Variants in ALDH1A2 observed in about 807,000 individuals in gnomAD.
ALDH1A2 encodes the protein retinal dehydrogenase 2.
A neutral mutation model predicts 60.3 loss-of-function variants in ALDH1A2; 27 were observed. The ratio of observed to expected loss-of-function variants is 0.45; its 90% CI spans 0.33 to 0.62. The LOEUF (loss-of-function observed/expected upper bound fraction) is 0.62, where lower values mean the gene tolerates loss of function less well. Among genes scored for constraint, ALDH1A2 ranks in the 20% least tolerant of loss-of-function variants. The probability of loss-of-function intolerance (pLI) is 0.02; values close to 1 mark genes in which losing one functional copy is unlikely to be tolerated. For synonymous variants in ALDH1A2, 289 were observed against 232.4 expected, an observed-to-expected ratio of 1.24 and a Z score of -2.21; for missense variants, 581 against 643.8, an observed-to-expected ratio of 0.90 and a Z score of 1.06.
chr15:57,989,663 T>C (rs890926792), intron 7 of ALDH1A2, among the ~76,000 whole-genome samples: 1 of 151,582 alleles, frequency 6.6e-6, no homozygotes, highest in African/African-American at 2.4e-5. Flanking sequence ...CCTGTATATA[T>C]GGAAATGCAT....
chr15:58,053,700 AG>A (rs1595693436), intron 1 of ALDH1A2, among the ~76,000 whole-genome samples: 2 of 152,158 alleles, frequency 1.3e-5, no homozygotes, highest in East Asian at 3.9e-4. Flanking sequence ...TAATGATACC[AG>A]AATGTGGGCA....
At chr15:58,026,838 G>T (rs915371216) in intron 1 of ALDH1A2, among the ~76,000 whole-genome samples, 1 of 152,212 alleles carries the variant, frequency 6.6e-6, no homozygotes, top group Admixed American at 6.5e-5. Context: ...CATTGCTGAG[G>T]CTTGAGTAGC....
intron 4 of ALDH1A2, among the ~76,000 whole-genome samples, chr15:57,998,113 G>A (rs1156962718): frequency 1.3e-5 from 2 of 151,966 alleles, no homozygotes; most frequent in Non-Finnish European, 2.9e-5. Flanking sequence ...GCAAAAGATG[G>A]AAGCATTCCC....
chr15:57,958,929 G>A (rs1203089617), intron 12 of ALDH1A2, among the ~76,000 whole-genome samples: 1 of 152,066 alleles, frequency 6.6e-6, no homozygotes, highest in East Asian at 1.9e-4. Context: ...ATCACCATAG[G>A]GCCTGGAAGA....
intron 1 of ALDH1A2, among the ~76,000 whole-genome samples, chr15:58,022,897 C>A (rs1018080357): frequency 1.3e-5 from 2 of 152,026 alleles, no homozygotes; most frequent in African/African-American, 4.8e-5. Context: ...ATAGGAAGAA[C>A]CAACTGTTAT....
intron 5 of ALDH1A2, 58 bp from the exon 6 acceptor site, chr15:57,993,131 T>G: frequency 6.3e-7 from 1 of 1,597,086 alleles, no homozygotes. Flanking sequence ...CTACTTTGTT[T>G]TCAAGCTGTG....
Position 57,961,167 on chromosome 15 carries a change from A to G in ALDH1A2, c.1379T>C (p.Val460Ala). ...FTNDINKALT[V>A]SSAMQAGTVW... ...AGTCCCAGCTTGCATTGCAGAAGAC[A>G]CTGTGAGGGCCTTGTTGATGTCATT... is the stretch of plus-strand genomic sequence containing the variant. Residue 460 changes from valine (V) to alanine (A), a missense_variant, in exon 11 of 13, where the codon GTG (valine) becomes GCG (alanine). This residue lies in a region of ALDH1A2 where 375 missense variants were observed against 469.7 expected (regional missense o/e 0.80). Coordinates refer to ENST00000249750, the MANE Select transcript of ALDH1A2 (RefSeq NM_003888.4). 6.2e-7 allele frequency: 1 copy of G among 1,614,146 alleles called. No homozygotes were observed. Among genetic ancestry groups the G allele is most frequent in the Non-Finnish European group, 8.5e-7 (1 of 1,180,010 alleles).
intron 1 of ALDH1A2, among the ~76,000 whole-genome samples, chr15:58,024,872 A>C (rs1277468809): frequency 6.6e-6 from 1 of 152,224 alleles, no homozygotes; most frequent in African/African-American, 2.4e-5. Flanking sequence ...ACTAGAAATC[A>C]ATGCCAAGAA....
chr15:57,995,410 C>T (rs1466772523), intron 4 of ALDH1A2, among the ~76,000 whole-genome samples: 1 of 151,842 alleles, frequency 6.6e-6, no homozygotes, highest in East Asian at 1.9e-4. Context: ...AAGAAGTCCT[C>T]AGGGTGGCAG....
At chr15:58,001,773 G>A (rs777956749) in intron 4 of ALDH1A2, among the ~76,000 whole-genome samples, 1 of 151,874 alleles carries the variant, frequency 6.6e-6, no homozygotes, top group Non-Finnish European at 1.5e-5. Context: ...CTCCATTGTA[G>A]GGTATGAATG....
At chr15:58,058,105 A>C (rs1471387856) in intron 1 of ALDH1A2, 2 of 1,523,934 alleles carry the variant, frequency 1.3e-6, no homozygotes, top group East Asian at 4.9e-5. Flanking sequence ...TCCAATTTTC[A>C]CACCTAGAGA....
At chr15:57,996,476 T>A (rs1479536013) in intron 4 of ALDH1A2, among the ~76,000 whole-genome samples, 1 of 151,546 alleles carries the variant, frequency 6.6e-6, no homozygotes, top group Non-Finnish European at 1.5e-5. Context: ...GGGATATTAT[T>A]CAGTCTTTTA....
In ALDH1A2 at chr15:58,065,694, G is replaced by C. The variant is rs756127469; in HGVS notation, c.-44C>G. On this transcript the variant is annotated 5_prime_UTR_variant, in exon 1 of 13. Transcript: ENST00000249750. ...CCTAGCCCGCGGCGTGGGGCAGTGCGGGCTGTGCGCGCGGTCCGCGGCCCG... is the reference window on the plus strand; with the variant it reads ...CCTAGCCCGCGGCGTGGGGCAGTGCCGGCTGTGCGCGCGGTCCGCGGCCCG... The C allele has an allele frequency of 2.2e-6, 3 of 1,389,318 alleles. No homozygotes were observed. The highest frequency in any genetic ancestry group is 2.9e-6 in the Non-Finnish European group (3 of 1,031,918). The allele number at this position is 1,389,318 out of a possible 1,614,324, so 86.1% of individuals were successfully genotyped here.
chr15:57,982,799 T>A (rs1446110623), intron 7 of ALDH1A2, among the ~76,000 whole-genome samples: 1 of 152,172 alleles, frequency 6.6e-6, no homozygotes, highest in Non-Finnish European at 1.5e-5. Context: ...AAGCCTAGTA[T>A]TTTCTCCAGC....
chr15:57,955,061 C>T lies in ALDH1A2; in HGVS notation c.*136G>A. The T allele has an allele frequency of 1.0e-6, 1 of 993,732 alleles. No individual in the cohort carries two copies. The highest frequency in any genetic ancestry group is 1.3e-5 in the South Asian group (1 of 77,836). 61.6% of individuals were successfully genotyped at this position (993,732 alleles called of 1,614,324 possible). ...TTTGCTTTAGTTGTGCAGTGACCTGCCTGGCCTACATGTTATCTTTTCAAT... is the reference window on the plus strand; with the variant it reads ...TTTGCTTTAGTTGTGCAGTGACCTGTCTGGCCTACATGTTATCTTTTCAAT... On this transcript the variant is annotated 3_prime_UTR_variant, in exon 13 of 13. Transcript: ENST00000249750.
intron 7 of ALDH1A2, chr15:57,979,887 C>G: frequency 5.7e-6 from 2 of 351,910 alleles, no homozygotes; most frequent in Non-Finnish European, 1.2e-5. Context: ...GGTTGGTACC[C>G]TGGGTGTAGC....
intron 7 of ALDH1A2, among the ~76,000 whole-genome samples, chr15:57,986,321 A>T (rs1323815099): frequency 6.6e-6 from 1 of 152,162 alleles, no homozygotes; most frequent in Non-Finnish European, 1.5e-5. Context: ...GACAGATAAG[A>T]AAGATCTTGT....
At chr15:57,993,133 C>A in intron 5 of ALDH1A2, 60 bp from the exon 6 acceptor site, 1 of 1,588,218 alleles carries the variant, frequency 6.3e-7, no homozygotes, top group South Asian at 1.1e-5. Flanking sequence ...ACTTTGTTTT[C>A]AAGCTGTGAC....
intron 1 of ALDH1A2, among the ~76,000 whole-genome samples, chr15:58,042,342 C>T (rs1243735812): frequency 4.6e-5 from 7 of 151,960 alleles, no homozygotes; most frequent in African/African-American, 1.7e-4. Context: ...TTTACCTAAA[C>T]CCTCCACTGT....
Sources: allele counts gnomAD v4.1 joint callset (sites outside exome capture counted in the v4.1 genomes callset), GRCh38; gene constraint gnomAD v4.1.1; regional missense constraint gnomAD v4.1.1; transcripts MANE v1.5; gene names NCBI Gene and HGNC (gene_info 2026-07-23, HGNC 2026-07-21).